The following LRRC71 variants were observed in gnomAD, a reference collection of about 807,000 sequenced individuals.
The protein encoded by LRRC71 is leucine-rich repeat-containing protein 71.
Under a neutral mutation model 66.6 loss-of-function variants are expected in LRRC71, and 54 were observed. That is an observed-to-expected ratio of 0.81 (90% confidence interval 0.65 to 1.02). The LOEUF is 1.02. LRRC71 is among the 50% of genes least tolerant of loss of function. The pLI is 0.00. For missense variants in LRRC71, 724 were observed against 718.0 expected, an observed-to-expected ratio of 1.01 and a Z score of -0.10; for synonymous variants, 323 against 303.9, an observed-to-expected ratio of 1.06 and a Z score of -0.65.
Position 156,933,006 on chromosome 1 carries a change from A to T in LRRC71, c.*37A>T. 6.7e-7 allele frequency: 1 copy of T among 1,482,634 alleles called. No homozygotes were observed. The highest frequency in any genetic ancestry group is 9.2e-7 in the Non-Finnish European group (1 of 1,086,750). 91.8% of individuals were successfully genotyped at this position (1,482,634 alleles called of 1,614,324 possible). On this transcript the variant is annotated 3_prime_UTR_variant, in exon 15 of 15. Coordinates refer to ENST00000337428, the MANE Select transcript of LRRC71 (RefSeq NM_144702.3). ...CTGCTTGCCTCTAAGACTCGGGGCT[A>T]CAGAAGCACCTCCTGTCCCTGTGTG...
rs546929535 is a variant in LRRC71 at position 156,923,759 on chromosome 1, C to A, written c.161-190C>A. Among the ~76,000 whole-genome samples the A allele has an allele frequency of 4.5e-4, 69 of 152,374 alleles. 1 individual carries two copies. In the South Asian group the frequency reaches 0.013, roughly 30 times the overall value. On this transcript the variant is annotated intron_variant, in intron 1 of 14. Coordinates refer to ENST00000337428, the MANE Select transcript of LRRC71 (RefSeq NM_144702.3). ...CTACCGTGCACGCACGCCCGTTAGTCCCCTTTCTCCGAGCTCTTGCTTTCC... is the reference window on the plus strand; with the variant it reads ...CTACCGTGCACGCACGCCCGTTAGTACCCTTTCTCCGAGCTCTTGCTTTCC...
chr1:156,929,829 G>A, intron 11 of LRRC71, 100 bp downstream of exon 11: 2 of 947,756 alleles, frequency 2.1e-6, no homozygotes, highest in Non-Finnish European at 3.2e-6. Flanking sequence ...GCGCCTGCCT[G>A]GAGCTCATCT....
chr1:156,930,324 C>T (rs529300393), intron 11 of LRRC71, among the ~76,000 whole-genome samples: 2 of 151,702 alleles, frequency 1.3e-5, no homozygotes, highest in African/African-American at 4.8e-5. Context: ...AACTCCTGAC[C>T]TCAGGAGATC....
intron 2 of LRRC71, 27 bp downstream of exon 2, chr1:156,924,125 C>G: frequency 6.5e-7 from 1 of 1,543,328 alleles, no homozygotes; most frequent in Non-Finnish European, 8.7e-7. Context: ...CTCCCCGGTG[C>G]CTGCCAGGGC....
the LRRC71 span, among the ~76,000 whole-genome samples, chr1:156,940,828 G>A: frequency 1.3e-5 from 2 of 152,224 alleles, no homozygotes; most frequent in African/African-American, 2.4e-5. Flanking sequence ...GTGGCGTTAG[G>A]AGGAAAAGCA....
At chr1:156,922,219 G>A (rs1050827053) in intron 1 of LRRC71, among the ~76,000 whole-genome samples, 2 of 152,174 alleles carry the variant, frequency 1.3e-5, no homozygotes, top group Non-Finnish European at 2.9e-5. Flanking sequence ...CAATGAAAGA[G>A]ACCCCTCAAG....
At chr1:156,931,219 T>C (rs1654318907) in intron 12 of LRRC71, among the ~76,000 whole-genome samples, 2 of 152,180 alleles carry the variant, frequency 1.3e-5, no homozygotes, top group Non-Finnish European at 2.9e-5. Flanking sequence ...TTCTGTCAGC[T>C]GCCTGAGCAT....
chr1:156,928,363 C>CTTCTTCT lies in LRRC71; in HGVS notation c.996+360_996+361insTCTTCTT, dbSNP rs1653584959. Among the ~76,000 whole-genome samples, 387 of 98,822 alleles carry CTTCTTCT rather than the reference C, an allele frequency of 3.9e-3. 10 individuals are homozygous for CTTCTTCT. Among genetic ancestry groups the CTTCTTCT allele is most frequent in the African/African-American group, 0.02 (376 of 18,774 alleles). 64.8% of individuals were successfully genotyped at this position (98,822 alleles called of 152,430 possible). ...TTCTTCTTTCTTTCTCTTCTTCTTCCTCTTCTTCTTCTTCTTCTTCTTCTT... is the reference window on the plus strand; with the variant it reads ...TTCTTCTTTCTTTCTCTTCTTCTTCCTTCTTCTTCTTCTTCTTCTTCTTCTTCTTCTT... On this transcript the variant is annotated intron_variant, in intron 9 of 14. Coordinates refer to ENST00000337428, the MANE Select transcript of LRRC71 (RefSeq NM_144702.3).
intron 5 of LRRC71, 26 bp from the exon 6 acceptor site, chr1:156,927,176 G>T: frequency 6.2e-7 from 1 of 1,601,062 alleles, no homozygotes. Context: ...GGTACCTTCT[G>T]GTTCTCAGAT....
At chr1:156,927,403 C>A in intron 6 of LRRC71, 93 bp from the exon 7 acceptor site, 1 of 1,512,800 alleles carries the variant, frequency 6.6e-7, no homozygotes, top group Non-Finnish European at 8.9e-7. Flanking sequence ...ATCCTCAGAC[C>A]AGACCGCCCC....
At chr1:156,932,681 C>T in intron 14 of LRRC71, 136 bp downstream of exon 14, 2 of 1,584,226 alleles carry the variant, frequency 1.3e-6, no homozygotes, top group East Asian at 2.2e-5. Context: ...TTTTAATAAT[C>T]ACAACATAAC....
At position 156,924,639 on chromosome 1, in the gene LRRC71, G is replaced by T. The variant is rs774725293; in HGVS notation, c.440-4G>T. 3 of 1,466,692 alleles carry T rather than the reference G, an allele frequency of 2.0e-6. No individual in the cohort carries two copies. Among genetic ancestry groups the T allele is most frequent in the Non-Finnish European group, 2.7e-6 (3 of 1,094,810 alleles). 90.9% of individuals were successfully genotyped at this position (1,466,692 alleles called of 1,614,324 possible). A position where few individuals can be genotyped will look rare whatever the true frequency, so the allele number is the denominator to read the frequency against. On this transcript the variant is annotated splice_polypyrimidine_tract_variant and splice_region_variant and intron_variant, in intron 3 of 14. Transcript: ENST00000337428. ...TGAGGCACCTGCCTCCTCTTGGCCC[G>T]CAGGTTGGAAGGTTGAGGAACGGAT...
the LRRC71 span, chr1:156,939,845 C>A: frequency 2.5e-6 from 4 of 1,612,352 alleles, no homozygotes; most frequent in Non-Finnish European, 3.4e-6. Context: ...GGCTCCTGGG[C>A]AGCCTGAGTT....
At chr1:156,936,830 G>A (rs1344668552), downstream of LRRC71, 2 of 1,613,756 alleles carry the variant, frequency 1.2e-6, no homozygotes, top group African/African-American at 1.3e-5. Flanking sequence ...CTCAGGGCAG[G>A]GCCCCAGTTC....
downstream of LRRC71, among the ~76,000 whole-genome samples, chr1:156,936,497 A>AAAAAAAAATATAT (rs370282821): frequency 2.9e-5 from 1 of 33,938 alleles, no homozygotes. Flanking sequence ...AAAAAAAAAA[A>AAAAAAAAATATAT]ATATATATAT....
chr1:156,940,947 C>G, the LRRC71 span, among the ~76,000 whole-genome samples: 1 of 152,296 alleles, frequency 6.6e-6, no homozygotes, highest in African/African-American at 2.4e-5. Context: ...GAATGCTGTC[C>G]CCTCTACCAA....
chr1:156,930,058 C>CTTTT (rs376042832), intron 11 of LRRC71, among the ~76,000 whole-genome samples: 1 of 101,556 alleles, frequency 9.8e-6, no homozygotes, highest in Non-Finnish European at 2.0e-5. Context: ...TTCTTTCTTT[C>CTTTT]TTTTTCTTTC....
chr1:156,935,939 C>G, downstream of LRRC71: 1 of 1,550,662 alleles, frequency 6.4e-7, no homozygotes, highest in Non-Finnish European at 8.8e-7. Context: ...CCCTGTGCCC[C>G]GGTCTCAGGC....
At chr1:156,921,436 A>G (rs950201637) in intron 1 of LRRC71, among the ~76,000 whole-genome samples, 1 of 152,218 alleles carries the variant, frequency 6.6e-6, no homozygotes, top group Non-Finnish European at 1.5e-5. Context: ...ATAGAACCCC[A>G]ATCAAACTAA....
Sources: gnomAD v4.1 joint callset for allele counts (sites outside exome capture counted in the v4.1 genomes callset) on GRCh38, gnomAD v4.1.1 for gene constraint, MANE v1.5 for transcripts, NCBI Gene and HGNC (gene_info 2026-07-23, HGNC 2026-07-21) for gene names.